The following MARCHF1 variants were observed in gnomAD, a reference collection of about 807,000 sequenced individuals.
MARCHF1 encodes membrane associated ring-CH-type finger 1, also known as E3 ubiquitin-protein ligase MARCHF1.
In MARCHF1, 40 loss-of-function variants were observed where a neutral mutation model predicts 54.2. That is an observed-to-expected ratio of 0.74 (90% CI 0.57 to 0.96). The LOEUF (loss-of-function observed/expected upper bound fraction) is 0.96, where lower values mean the gene tolerates loss of function less well. Among genes scored for constraint, MARCHF1 ranks in the 40% least tolerant of loss-of-function variants. MARCHF1 has a pLI of 0.00. For synonymous variants in MARCHF1, 236 were observed against 236.3 expected (o/e 1.00, Z 0.01); for missense variants, 586 against 656.5 (o/e 0.89, Z 1.17).
intron 2 of MARCHF1, among the ~76,000 whole-genome samples, chr4:164,004,670 T>C (rs1487180379): frequency 6.6e-6 from 1 of 151,962 alleles, no homozygotes; most frequent in African/African-American, 2.4e-5. Context: ...AGAATAACAT[T>C]AGAAATCACT....
At position 163,849,050 on chromosome 4, in the gene MARCHF1, C is replaced by T. The variant is rs186045315; in HGVS notation, c.111+4971G>A. ...ATGCCACAGTGCAATGAATTATTAT[C>T]TCATTTATAATCTTTGTGTTTAGTC... On this transcript the variant is annotated intron_variant, in intron 4 of 9. Coordinates refer to ENST00000514618, the MANE Select transcript of MARCHF1 (RefSeq NM_001394959.1). 2.2e-3 allele frequency among the ~76,000 whole-genome samples: 336 copies of T among 152,210 alleles called. 3 individuals are homozygous for T. The highest frequency in any genetic ancestry group is 7.6e-3 in the African/African-American group (317 of 41,544).
intron 1 of MARCHF1, among the ~76,000 whole-genome samples, chr4:164,270,908 C>A (rs1733729595): frequency 6.6e-6 from 1 of 152,048 alleles, no homozygotes; most frequent in African/African-American, 2.4e-5. Flanking sequence ...CCAAAATAGT[C>A]AACTTCTGAA....
chr4:163,764,882 C>A (rs1431666720), intron 4 of MARCHF1, among the ~76,000 whole-genome samples: 1 of 152,002 alleles, frequency 6.6e-6, no homozygotes, highest in East Asian at 1.9e-4. Flanking sequence ...AATATTGTGA[C>A]CAGTTGTTTA....
intron 4 of MARCHF1, among the ~76,000 whole-genome samples, chr4:163,812,480 A>G (rs1748419512): frequency 6.6e-6 from 1 of 152,146 alleles, no homozygotes; most frequent in South Asian, 2.1e-4. Context: ...GAAACCAACG[A>G]GGCACAGTGG....
chr4:163,576,798 T>C (rs1457448701), intron 8 of MARCHF1, among the ~76,000 whole-genome samples: 1 of 149,844 alleles, frequency 6.7e-6, no homozygotes, highest in Non-Finnish European at 1.5e-5. Flanking sequence ...TATTATGTAA[T>C]ATCCTTCTTT....
intron 4 of MARCHF1, among the ~76,000 whole-genome samples, chr4:163,756,045 A>C (rs1746656903): frequency 6.6e-6 from 1 of 152,176 alleles, no homozygotes. Context: ...CAATTGCCTA[A>C]GCTTTCTAAA....
intron 5 of MARCHF1, among the ~76,000 whole-genome samples, chr4:163,644,528 A>G (rs1742679662): frequency 6.6e-6 from 1 of 152,116 alleles, no homozygotes; most frequent in African/African-American, 2.4e-5. Flanking sequence ...CCTGGGTCAG[A>G]CTTGCCAACC....
At chr4:164,148,377 T>C (rs1018549340) in intron 1 of MARCHF1, among the ~76,000 whole-genome samples, 1 of 152,174 alleles carries the variant, frequency 6.6e-6, no homozygotes, top group Non-Finnish European at 1.5e-5. Context: ...CCATAGATCT[T>C]GGTTAAGTAA....
At chr4:164,351,070 C>G (rs952036562) in intron 1 of MARCHF1, among the ~76,000 whole-genome samples, 2 of 152,294 alleles carry the variant, frequency 1.3e-5, no homozygotes, top group South Asian at 4.2e-4. Flanking sequence ...TAAAAAACGG[C>G]GCACCACAAG....
intron 1 of MARCHF1, among the ~76,000 whole-genome samples, chr4:164,292,894 C>T (rs551987585): frequency 9.2e-5 from 14 of 152,080 alleles, no homozygotes; most frequent in Non-Finnish European, 1.6e-4. Context: ...GGTATATCAA[C>T]GTGATTCCTC....
chr4:164,176,941 G>GCGCT (rs1440878007), intron 1 of MARCHF1, among the ~76,000 whole-genome samples: 6 of 58,182 alleles, frequency 1.0e-4, no homozygotes, highest in East Asian at 7.5e-4. Context: ...TACCTTGTGC[G>GCGCT]CTCTCTCTCT....
At chr4:164,286,810 C>T (rs908974217) in intron 1 of MARCHF1, among the ~76,000 whole-genome samples, 4 of 149,878 alleles carry the variant, frequency 2.7e-5, no homozygotes, top group African/African-American at 9.7e-5. Context: ...GTCCCAGAAA[C>T]ATACACATGA....
intron 2 of MARCHF1, among the ~76,000 whole-genome samples, chr4:164,030,789 T>C (rs912335694): frequency 6.6e-6 from 1 of 152,166 alleles, no homozygotes; most frequent in Non-Finnish European, 1.5e-5. Flanking sequence ...CATGAATGAA[T>C]CAGTATATTT....
chr4:164,077,869 A>T lies in MARCHF1; in HGVS notation c.-248+33719T>A, dbSNP rs1755012369. On this transcript the variant is annotated intron_variant, in intron 2 of 9. Coordinates refer to ENST00000514618, the MANE Select transcript of MARCHF1 (RefSeq NM_001394959.1). ...CCAGTGAGAATGGCAATCATTAAAA[A>T]GTCAGGAAACAACAGATGTTGGAGA... Among the ~76,000 whole-genome samples the T allele has an allele frequency of 2.0e-5, 3 of 152,228 alleles. 1 individual carries two copies. In the South Asian group the frequency reaches 6.2e-4, roughly 31 times the overall value.
intron 1 of MARCHF1, among the ~76,000 whole-genome samples, chr4:164,363,873 T>C (rs759349924): frequency 6.6e-6 from 1 of 151,988 alleles, no homozygotes; most frequent in Non-Finnish European, 1.5e-5. Flanking sequence ...TCTGGTGTTA[T>C]CAGCAATGTT....
intron 1 of MARCHF1, among the ~76,000 whole-genome samples, chr4:164,372,420 T>C (rs1731061174): frequency 6.6e-6 from 1 of 152,140 alleles, no homozygotes; most frequent in Admixed American, 6.6e-5. Context: ...TAGTCTAATA[T>C]ATATTAGCAT....
intron 4 of MARCHF1, among the ~76,000 whole-genome samples, chr4:163,764,956 T>G (rs766215193): frequency 6.6e-6 from 1 of 152,120 alleles, no homozygotes; most frequent in Non-Finnish European, 1.5e-5. Context: ...AAATAAATAT[T>G]CAGGCTCATT....
Position 163,806,788 on chromosome 4 carries a change from A to G in MARCHF1, c.111+47233T>C, listed in dbSNP as rs569269963. On this transcript the variant is annotated intron_variant, in intron 4 of 9. Transcript: ENST00000514618. ...TTTCCATTCTCACTTTTATGGATCAATAAACCTGCCCACCTTAGTCCAAAA... is the reference window on the plus strand; with the variant it reads ...TTTCCATTCTCACTTTTATGGATCAGTAAACCTGCCCACCTTAGTCCAAAA... Among the ~76,000 whole-genome samples the G allele has an allele frequency of 2.7e-4, 41 of 152,304 alleles. 1 individual carries two copies. The South Asian group carries it at 8.1e-3, about 30-fold the overall frequency.
intron 4 of MARCHF1, among the ~76,000 whole-genome samples, chr4:163,816,247 G>A (rs2111031447): frequency 6.6e-6 from 1 of 152,268 alleles, no homozygotes; most frequent in African/African-American, 2.4e-5. Flanking sequence ...TAAAACCTGA[G>A]GCTGATCAAT....
Sources: gnomAD v4.1 joint callset for allele counts (sites outside exome capture counted in the v4.1 genomes callset) on GRCh38, gnomAD v4.1.1 for gene constraint, MANE v1.5 for transcripts, NCBI Gene and HGNC (gene_info 2026-07-23, HGNC 2026-07-21) for gene names.